SPOCK3: variants seen among roughly 807,000 people sequenced by gnomAD.
SPOCK3 encodes SPARC (osteonectin), cwcv and kazal like domains proteoglycan 3, also known as testican-3.
Under a neutral mutation model 56.6 loss-of-function variants are expected in SPOCK3, and 30 were observed. That is an observed-to-expected ratio of 0.53 (90% confidence interval 0.40 to 0.72). SPOCK3 has a LOEUF of 0.72. Among genes scored for constraint, SPOCK3 ranks in the 30% least tolerant of loss-of-function variants. SPOCK3 has a pLI of 0.00. For missense variants in SPOCK3, 527 were observed against 530.0 expected (o/e 0.99, Z 0.06); for synonymous variants, 196 against 183.3 (o/e 1.07, Z -0.56).
At chr4:166,877,067 G>T (rs1191572738) in intron 6 of SPOCK3, among the ~76,000 whole-genome samples, 1 of 152,020 alleles carries the variant, frequency 6.6e-6, no homozygotes, top group Non-Finnish European at 1.5e-5. Flanking sequence ...ACAACCAAAA[G>T]AATGAAATAC....
chr4:167,057,730 G>A (rs2150235090), intron 3 of SPOCK3, among the ~76,000 whole-genome samples: 1 of 152,236 alleles, frequency 6.6e-6, no homozygotes, highest in East Asian at 1.9e-4. Flanking sequence ...TCAACAAGAA[G>A]AGCTAACTAT....
At chr4:166,764,068 A>G (rs1203148543) in intron 7 of SPOCK3, among the ~76,000 whole-genome samples, 1 of 152,040 alleles carries the variant, frequency 6.6e-6, no homozygotes, top group African/African-American at 2.4e-5. Context: ...CTACCAGTGG[A>G]GGACAATTTC....
intron 2 of SPOCK3, among the ~76,000 whole-genome samples, chr4:167,221,324 C>T (rs1735894178): frequency 6.6e-6 from 1 of 152,056 alleles, no homozygotes; most frequent in African/African-American, 2.4e-5. Flanking sequence ...GCTATGATGA[C>T]ACCACTGCAC....
At chr4:167,171,998 G>A (rs989710549) in intron 2 of SPOCK3, among the ~76,000 whole-genome samples, 6 of 152,106 alleles carry the variant, frequency 3.9e-5, no homozygotes, top group Admixed American at 2.0e-4. Flanking sequence ...AAAAGATATG[G>A]AAGGAGATGA....
chr4:167,010,519 C>A (rs74465187), intron 3 of SPOCK3, among the ~76,000 whole-genome samples: 1,682 of 109,318 alleles, frequency 0.015, no homozygotes, highest in Middle Eastern at 0.027. Flanking sequence ...GACTCTGTCT[C>A]AAAAAAAAAA....
chr4:166,956,882 T>C (rs907510994), intron 4 of SPOCK3, among the ~76,000 whole-genome samples: 1 of 152,108 alleles, frequency 6.6e-6, no homozygotes, highest in African/African-American at 2.4e-5. Context: ...CTCATCCTCC[T>C]TGCCTCTCGC....
intron 2 of SPOCK3, among the ~76,000 whole-genome samples, chr4:167,111,953 T>C (rs1274657504): frequency 6.6e-6 from 1 of 151,902 alleles, no homozygotes; most frequent in Non-Finnish European, 1.5e-5. Context: ...AGAGATGAGG[T>C]GTCACTATGT....
At chr4:166,839,455 T>A (rs1327579769) in intron 6 of SPOCK3, among the ~76,000 whole-genome samples, 1 of 152,088 alleles carries the variant, frequency 6.6e-6, no homozygotes, top group Non-Finnish European at 1.5e-5. Context: ...TGTTTGGTAG[T>A]TAGATAGACA....
chr4:166,909,577 G>C (rs1196464956), intron 5 of SPOCK3, among the ~76,000 whole-genome samples: 1 of 151,970 alleles, frequency 6.6e-6, no homozygotes, highest in Non-Finnish European at 1.5e-5. Context: ...AGACGAATAG[G>C]AAAGGCTTCC....
chr4:167,225,911 C>T (rs1736549785), intron 2 of SPOCK3, among the ~76,000 whole-genome samples: 2 of 152,190 alleles, frequency 1.3e-5, no homozygotes, highest in African/African-American at 4.8e-5. Context: ...CTAAGAGCTG[C>T]ATGAACCTGG....
intron 6 of SPOCK3, among the ~76,000 whole-genome samples, chr4:166,856,731 G>T (rs189833814): frequency 1.3e-5 from 2 of 151,996 alleles, no homozygotes; most frequent in African/African-American, 4.8e-5. Context: ...CCGAGATCTT[G>T]CCACTGCACT....
chr4:166,951,356 C>A (rs1469029842), intron 4 of SPOCK3, among the ~76,000 whole-genome samples: 2 of 137,460 alleles, frequency 1.5e-5, no homozygotes, highest in Non-Finnish European at 3.1e-5. Context: ...TTCCTCGACA[C>A]ATACACTCTC....
chr4:167,147,848 T>C (rs1270824699), intron 2 of SPOCK3, among the ~76,000 whole-genome samples: 1 of 151,812 alleles, frequency 6.6e-6, no homozygotes, highest in Non-Finnish European at 1.5e-5. Context: ...TTAGGAGAAA[T>C]ATCTAATGTA....
chr4:166,850,559 G>C (rs1278142065), intron 6 of SPOCK3, among the ~76,000 whole-genome samples: 2 of 152,192 alleles, frequency 1.3e-5, no homozygotes, highest in Admixed American at 6.5e-5. Flanking sequence ...GAGGTACCGG[G>C]TTCATCTCAC....
At chr4:167,177,835 T>G (rs374693757) in intron 2 of SPOCK3, among the ~76,000 whole-genome samples, 1 of 152,308 alleles carries the variant, frequency 6.6e-6, no homozygotes, top group African/African-American at 2.4e-5. Context: ...GATTTCTTTA[T>G]GTCTCATAGG....
At chr4:167,075,864 C>T (rs967430743) in intron 2 of SPOCK3, among the ~76,000 whole-genome samples, 2 of 151,856 alleles carry the variant, frequency 1.3e-5, no homozygotes, top group African/African-American at 4.8e-5. Context: ...TTCTCTCTTA[C>T]ATTAATCTAC....
intron 4 of SPOCK3, among the ~76,000 whole-genome samples, chr4:166,998,346 A>G (rs1246392351): frequency 4.6e-5 from 7 of 152,066 alleles, no homozygotes; most frequent in Non-Finnish European, 8.8e-5. Context: ...GTGCCCTATT[A>G]AGGATCTTTC....
At chr4:167,135,752 TAAAAC>T (rs1310346361) in intron 2 of SPOCK3, among the ~76,000 whole-genome samples, 1 of 150,436 alleles carries the variant, frequency 6.6e-6, no homozygotes, top group Non-Finnish European at 1.5e-5. Flanking sequence ...CACCAGAAAC[TAAAAC>T]AAAAGTTTTA....
intron 7 of SPOCK3, among the ~76,000 whole-genome samples, chr4:166,784,631 C>A (rs1740544889): frequency 6.6e-6 from 1 of 152,186 alleles, no homozygotes. Flanking sequence ...TAGAAGACTC[C>A]TAATTGCATT....
Sources: allele counts gnomAD v4.1 joint callset (sites outside exome capture counted in the v4.1 genomes callset), GRCh38; gene constraint gnomAD v4.1.1; transcripts MANE v1.5; gene names NCBI Gene and HGNC (gene_info 2026-07-23, HGNC 2026-07-21).